SSPN: variants seen among roughly 807,000 people sequenced by gnomAD.
SSPN encodes the protein sarcospan.
Under a neutral mutation model 19.1 loss-of-function variants are expected in SSPN, and 15 were observed. The observed-to-expected ratio is 0.78, with a 90% CI of 0.52 to 1.21. The LOEUF (loss-of-function observed/expected upper bound fraction) is 1.21, where lower values mean the gene tolerates loss of function less well. SSPN is among the 50% of genes most tolerant of loss of function. The pLI, the probability that SSPN is intolerant of heterozygous loss-of-function variation, is 0.00. For synonymous variants in SSPN, 147 were observed against 140.3 expected (o/e 1.05, Z -0.34); for missense variants, 291 against 314.0 (o/e 0.93, Z 0.55).
chr12:26,176,940 A>G (rs1050973200), intron 1 of SSPN, among the ~76,000 whole-genome samples: 1 of 152,202 alleles, frequency 6.6e-6, no homozygotes, highest in Non-Finnish European at 1.5e-5. Flanking sequence ...ATCCAAACAC[A>G]TTACTTTCCT....
At chr12:26,148,474 G>A (rs761951609) in intron 1 of SSPN, among the ~76,000 whole-genome samples, 3 of 152,228 alleles carry the variant, frequency 2.0e-5, no homozygotes, top group Non-Finnish European at 4.4e-5. Context: ...CTTGTGTGAT[G>A]ATAAAGAACG....
chr12:26,130,568 T>C (rs771552389), intron 1 of SSPN, among the ~76,000 whole-genome samples: 1 of 152,246 alleles, frequency 6.6e-6, no homozygotes, highest in African/African-American at 2.4e-5. Flanking sequence ...CAACAAGTAC[T>C]ATGGTTCTGG....
At chr12:26,230,230 A>C (rs538631473) in intron 2 of SSPN, among the ~76,000 whole-genome samples, 1 of 152,370 alleles carries the variant, frequency 6.6e-6, no homozygotes, top group Non-Finnish European at 1.5e-5. Flanking sequence ...TTTTAAAAAA[A>C]TTAACTTATG....
At chr12:26,124,941 C>A (rs777055984) in intron 1 of SSPN, 4 of 740,596 alleles carry the variant, frequency 5.4e-6, no homozygotes, top group African/African-American at 1.7e-5. Flanking sequence ...AGTTGGTCCC[C>A]CCCCTCCACC....
At chr12:26,124,916 T>C in intron 1 of SSPN, 1 of 900,686 alleles carries the variant, frequency 1.1e-6, no homozygotes, top group Non-Finnish European at 1.8e-6. Flanking sequence ...CAGTGCAGTG[T>C]TGAAAGTGTG....
chr12:26,122,051 TC>T (rs755381287), exon 1 of SSPN: 1 of 1,549,146 alleles, frequency 6.5e-7, no homozygotes, highest in South Asian at 1.2e-5. Context: ...CCTCCGTCCT[TC>T]GGGACGCAAG....
At chr12:26,138,282 C>A (rs1231028469) in intron 1 of SSPN, among the ~76,000 whole-genome samples, 1 of 152,084 alleles carries the variant, frequency 6.6e-6, no homozygotes, top group Non-Finnish European at 1.5e-5. Flanking sequence ...ATACAGAGGG[C>A]CAACTGTATT....
At chr12:26,158,583 C>G (rs769900183) in intron 1 of SSPN, among the ~76,000 whole-genome samples, 7 of 152,224 alleles carry the variant, frequency 4.6e-5, no homozygotes, top group Non-Finnish European at 8.8e-5. Context: ...TTTTGCTGGT[C>G]GACTCTGAAT....
At chr12:26,213,807 T>G (rs1945017847) in intron 1 of SSPN, among the ~76,000 whole-genome samples, 1 of 152,190 alleles carries the variant, frequency 6.6e-6, no homozygotes, top group Non-Finnish European at 1.5e-5. Context: ...TGATAATTGC[T>G]ACATTCTCCA....
rs188523209 is a variant in SSPN, at chr12:26,231,975, G to A, written c.*899G>A. ...ACTCTCACAAGAGCAGAGGCCTGAA[G>A]ATTCTTTCTTCTGAAAGCCAAGCAC... On this transcript the variant is annotated 3_prime_UTR_variant, in exon 3 of 3. Coordinates refer to ENST00000242729, the MANE Select transcript of SSPN (RefSeq NM_005086.5). 4 of 983,782 alleles carry A rather than the reference G, an allele frequency of 4.1e-6. No homozygotes were observed. In the Admixed American group the frequency reaches 2.5e-4, roughly 61 times the overall value. The allele number at this position is 983,782 out of a possible 1,614,324, so 60.9% of individuals were successfully genotyped here.
chr12:26,122,306 G>A (rs1944315603), intron 1 of SSPN: 1 of 1,181,892 alleles, frequency 8.5e-7, no homozygotes, highest in Non-Finnish European at 1.0e-6. Context: ...CGGCAGCGGC[G>A]GCGGCGGCTG....
At chr12:26,151,618 C>T (rs1364150417) in intron 1 of SSPN, among the ~76,000 whole-genome samples, 1 of 152,154 alleles carries the variant, frequency 6.6e-6, no homozygotes, top group East Asian at 1.9e-4. Flanking sequence ...AAGCTCCCTG[C>T]CCCCATGGAG....
intron 1 of SSPN, among the ~76,000 whole-genome samples, chr12:26,173,344 C>G (rs1026196544): frequency 6.6e-6 from 1 of 152,160 alleles, no homozygotes. Context: ...AAATAGATCT[C>G]TAATGAAGTC....
intron 1 of SSPN, among the ~76,000 whole-genome samples, chr12:26,203,989 T>C (rs1175008406): frequency 6.6e-6 from 1 of 152,188 alleles, no homozygotes; most frequent in African/African-American, 2.4e-5. Context: ...TATTTAACCT[T>C]AATTACCTCC....
chr12:26,122,606 C>T (rs1399764714), intron 1 of SSPN: 3 of 1,121,814 alleles, frequency 2.7e-6, no homozygotes, highest in Admixed American at 5.0e-5. Flanking sequence ...GCCCCAGAAG[C>T]GCGGCTGCCG....
At chr12:26,123,844 A>G (rs1944337086) in intron 1 of SSPN, 1 of 847,590 alleles carries the variant, frequency 1.2e-6, no homozygotes, top group Non-Finnish European at 2.0e-6. Flanking sequence ...AACACTTTGA[A>G]AGAAGTACTG....
intron 1 of SSPN, among the ~76,000 whole-genome samples, chr12:26,176,556 G>A (rs974103888): frequency 4.6e-5 from 7 of 152,186 alleles, no homozygotes; most frequent in African/African-American, 9.7e-5. Context: ...GAGGCTGTGC[G>A]TCACTGTACA....
intron 1 of SSPN, among the ~76,000 whole-genome samples, chr12:26,199,329 AT>A (rs1263009786): frequency 6.6e-6 from 1 of 152,228 alleles, no homozygotes; most frequent in African/African-American, 2.4e-5. Flanking sequence ...CCAATCCCCA[AT>A]CAAAAGATGA....
chr12:26,160,999 T>C (rs1944584976), intron 1 of SSPN, among the ~76,000 whole-genome samples: 1 of 150,954 alleles, frequency 6.6e-6, no homozygotes, highest in East Asian at 2.0e-4. Context: ...TCTTAGCTAC[T>C]CAGGAGGTCT....
Sources: gnomAD v4.1 joint callset for allele counts (sites outside exome capture counted in the v4.1 genomes callset) on GRCh38, gnomAD v4.1.1 for gene constraint, MANE v1.5 for transcripts, NCBI Gene and HGNC (gene_info 2026-07-23, HGNC 2026-07-21) for gene names.